Variants in SPATA17 observed in about 807,000 individuals in gnomAD.
The protein encoded by SPATA17 is spermatogenesis-associated protein 17.
In SPATA17, 53 loss-of-function variants were observed where a neutral mutation model predicts 62.2. The ratio of observed to expected loss-of-function variants is 0.85; its 90% CI spans 0.68 to 1.07. The LOEUF is 1.07. SPATA17 is among the 50% of genes least tolerant of loss of function. The pLI, the probability that SPATA17 is intolerant of heterozygous loss-of-function variation, is 0.00. For synonymous variants in SPATA17, 146 were observed against 146.8 expected (o/e 0.99, Z 0.04); for missense variants, 466 against 425.5 (o/e 1.10, Z -0.84).
At chr1:217,632,716 C>T (rs889948310) in intron 1 of SPATA17, among the ~76,000 whole-genome samples, 1 of 152,188 alleles carries the variant, frequency 6.6e-6, no homozygotes, top group Non-Finnish European at 1.5e-5. Flanking sequence ...TGAAGACTCA[C>T]ATTAATGAAT....
At chr1:217,792,013 G>A (rs1017069711) in intron 8 of SPATA17, among the ~76,000 whole-genome samples, 14 of 152,110 alleles carry the variant, frequency 9.2e-5, no homozygotes, top group Non-Finnish European at 2.9e-5. Flanking sequence ...ACTGGAAGAA[G>A]AAGAAGAATT....
chr1:217,811,617 TGGGCGGCGGA>T (rs1472382219), intron 9 of SPATA17, among the ~76,000 whole-genome samples: 1 of 150,718 alleles, frequency 6.6e-6, no homozygotes, highest in Non-Finnish European at 1.5e-5. Flanking sequence ...CACTTGAACT[TGGGCGGCGGA>T]GGTTGGAGTG....
At chr1:217,706,907 C>T (rs1490645992) in intron 5 of SPATA17, among the ~76,000 whole-genome samples, 3 of 151,426 alleles carry the variant, frequency 2.0e-5, no homozygotes, top group Admixed American at 2.0e-4. Flanking sequence ...TGCTCTTTCA[C>T]CCAGGCTGGA....
At chr1:217,677,684 T>A (rs1670980107) in intron 4 of SPATA17, among the ~76,000 whole-genome samples, 1 of 152,112 alleles carries the variant, frequency 6.6e-6, no homozygotes, top group African/African-American at 2.4e-5. Context: ...CATCCCCATG[T>A]AAAAGTATAT....
intron 1 of SPATA17, among the ~76,000 whole-genome samples, chr1:217,640,745 A>T (rs1317674659): frequency 6.6e-6 from 1 of 152,146 alleles, no homozygotes; most frequent in Admixed American, 6.5e-5. Flanking sequence ...GAAACATTTT[A>T]TACATAATGA....
intron 5 of SPATA17, among the ~76,000 whole-genome samples, chr1:217,685,014 T>A (rs1359428226): frequency 6.6e-6 from 1 of 152,082 alleles, no homozygotes; most frequent in Admixed American, 6.6e-5. Flanking sequence ...ACGTGAATCA[T>A]AGGGGACTGC....
chr1:217,831,971 C>G (rs1481450823), intron 9 of SPATA17, among the ~76,000 whole-genome samples: 2 of 152,008 alleles, frequency 1.3e-5, no homozygotes, highest in East Asian at 3.9e-4. Context: ...GAAAATAGTA[C>G]TTTTAAAAGA....
At chr1:217,799,479 A>G (rs900481319) in intron 8 of SPATA17, among the ~76,000 whole-genome samples, 6 of 152,210 alleles carry the variant, frequency 3.9e-5, no homozygotes, top group Admixed American at 3.3e-4. Context: ...TCCATCCCAC[A>G]TGCAAATTAG....
At chr1:217,719,552 G>T (rs536972602) in intron 5 of SPATA17, among the ~76,000 whole-genome samples, 1 of 152,308 alleles carries the variant, frequency 6.6e-6, no homozygotes, top group African/African-American at 2.4e-5. Context: ...TAAAGTTTAA[G>T]TAAAGAAGGA....
In SPATA17 at chr1:217,651,126, A is replaced by C; in HGVS notation, c.188A>C (p.Gln63Pro). The C allele has an allele frequency of 3.1e-6, 5 of 1,609,478 alleles. No homozygotes were observed. Among genetic ancestry groups the C allele is most frequent in the Non-Finnish European group, 3.4e-6 (4 of 1,178,654 alleles). The change falls in exon 3 of 11, where the codon CAA becomes CCA. Residue 63 changes from glutamine to proline, a missense_variant. By Grantham distance (76) the Gln-to-Pro change is moderately conservative. Coordinates refer to ENST00000366933, the MANE Select transcript of SPATA17 (RefSeq NM_138796.4). ...TTAAACAGGATTGTAACAATTATTC[A>C]AAAATGGTGGAGAAGTTTCTTAGGC... is the stretch of plus-strand genomic sequence containing the variant. ...RHLNRIVTII[Q>P]KWWRSFLGRK...
chr1:217,867,067 A>G lies in SPATA17; in HGVS notation c.*48A>G, dbSNP rs1361599372. Reference sequence around the variant, plus strand: ...AGCCATCTGCATTTTAAAACTTAACAGTTCTGAAAGGAAAACACAGATGAA... The same window carrying G: ...AGCCATCTGCATTTTAAAACTTAACGGTTCTGAAAGGAAAACACAGATGAA... On this transcript the variant is annotated 3_prime_UTR_variant, in exon 11 of 11. Coordinates refer to ENST00000366933, the MANE Select transcript of SPATA17 (RefSeq NM_138796.4). The G allele has an allele frequency of 6.6e-6, 1 of 152,168 alleles. No homozygotes were observed. The highest frequency in any genetic ancestry group is 2.4e-5 in the African/African-American group (1 of 41,442). The allele number at this position is 152,168 out of a possible 1,614,324, so 9.4% of individuals were successfully genotyped here.
chr1:217,863,734 A>T (rs1253851614), intron 10 of SPATA17, among the ~76,000 whole-genome samples: 1 of 152,228 alleles, frequency 6.6e-6, no homozygotes, highest in African/African-American at 2.4e-5. Context: ...ATTTTAGAAT[A>T]GAGCAGTGGT....
rs574924197 is a variant in SPATA17 at position 217,708,730 on chromosome 1, A to C, written c.395+25369A>C. 1.1e-3 allele frequency among the ~76,000 whole-genome samples: 175 copies of C among 152,232 alleles called. 2 individuals carry two copies. The highest frequency in any genetic ancestry group is 4.5e-3 in the Admixed American group (69 of 15,294). ...AAACCTGGCAGAGATGCAACAACAA[A>C]AAAAAAAACTTCAGGCCGATATCCT... On this transcript the variant is annotated intron_variant, in intron 5 of 10. Transcript: ENST00000366933.
chr1:217,769,286 G>A (rs893903658), intron 6 of SPATA17, among the ~76,000 whole-genome samples: 2 of 152,200 alleles, frequency 1.3e-5, no homozygotes, highest in African/African-American at 4.8e-5. Flanking sequence ...AGATGGTATA[G>A]CACTATAGTT....
intron 9 of SPATA17, among the ~76,000 whole-genome samples, chr1:217,846,869 A>G (rs1428336548): frequency 6.6e-6 from 1 of 152,112 alleles, no homozygotes; most frequent in Non-Finnish European, 1.5e-5. Flanking sequence ...TACTAAGAAT[A>G]TAACATAAAT....
At chr1:217,818,151 C>T (rs1674769033) in intron 9 of SPATA17, among the ~76,000 whole-genome samples, 2 of 151,872 alleles carry the variant, frequency 1.3e-5, no homozygotes, top group Admixed American at 1.3e-4. Flanking sequence ...TCTTACAGTA[C>T]TATTTCAGTC....
chr1:217,712,254 G>A (rs1671891096), intron 5 of SPATA17, among the ~76,000 whole-genome samples: 1 of 151,204 alleles, frequency 6.6e-6, no homozygotes, highest in African/African-American at 2.4e-5. Flanking sequence ...AGCCTCCTGA[G>A]TAGCTGGGAT....
intron 6 of SPATA17, among the ~76,000 whole-genome samples, chr1:217,744,474 A>AAAAG (rs1672703114): frequency 2.6e-5 from 1 of 38,356 alleles, no homozygotes; most frequent in East Asian, 3.3e-4. Flanking sequence ...AAAAAAAAAA[A>AAAAG]AAAAAAAAAA....
intron 6 of SPATA17, among the ~76,000 whole-genome samples, chr1:217,762,448 C>G (rs74144412): frequency 0.023 from 3,454 of 152,246 alleles, 140 homozygotes; most frequent in African/African-American, 0.08. Flanking sequence ...TTAATTAATC[C>G]AGTATCAATG....
Sources: allele counts gnomAD v4.1 joint callset (sites outside exome capture counted in the v4.1 genomes callset), GRCh38; gene constraint gnomAD v4.1.1; transcripts MANE v1.5; gene names NCBI Gene and HGNC (gene_info 2026-07-23, HGNC 2026-07-21).